SLC39A10: variants seen among roughly 807,000 people sequenced by gnomAD.
SLC39A10 encodes the protein zinc transporter ZIP10.
A neutral mutation model predicts 65.1 loss-of-function variants in SLC39A10; 13 were observed. That is an observed-to-expected ratio of 0.20 (90% CI 0.13 to 0.32). The LOEUF is 0.32. Ranked by LOEUF, SLC39A10 falls within the 10% of genes least tolerant of loss-of-function variation. SLC39A10 has a pLI of 1.00. For missense variants in SLC39A10, 831 were observed against 1,018.4 expected (o/e 0.82, Z 2.50); for synonymous variants, 321 against 342.2 (o/e 0.94, Z 0.68).
chr2:195,639,904 T>C (rs986191014), intron 2 of SLC39A10, among the ~76,000 whole-genome samples: 6 of 152,222 alleles, frequency 3.9e-5, no homozygotes, highest in Admixed American at 2.0e-4. Context: ...CATAAATTAT[T>C]TGGAATTCTT....
At chr2:195,675,399 A>G (rs1690041664) in intron 1 of SLC39A10, among the ~76,000 whole-genome samples, 1 of 152,124 alleles carries the variant, frequency 6.6e-6, no homozygotes, top group African/African-American at 2.4e-5. Context: ...CTGTTATTGC[A>G]ATAGTTCACA....
At chr2:195,616,447 C>T (rs953150072) in intron 2 of SLC39A10, among the ~76,000 whole-genome samples, 3 of 151,914 alleles carry the variant, frequency 2.0e-5, no homozygotes, top group African/African-American at 4.8e-5. Flanking sequence ...GCTGGGACTA[C>T]AGGTGTGTGC....
chr2:195,718,914 G>A (rs1691916629), intron 8 of SLC39A10, among the ~76,000 whole-genome samples: 1 of 151,890 alleles, frequency 6.6e-6, no homozygotes, highest in South Asian at 2.1e-4. Flanking sequence ...AAGTAAGAAG[G>A]TTGGATGATT....
intron 6 of SLC39A10, 83 bp downstream of exon 6, chr2:195,713,636 A>G (rs1039152272): frequency 7.2e-7 from 1 of 1,390,108 alleles, no homozygotes; most frequent in Non-Finnish European, 9.6e-7. Context: ...ATTTACATTC[A>G]TTCAATCTGA....
intron 3 of SLC39A10, among the ~76,000 whole-genome samples, chr2:195,703,697 A>G (rs1691286106): frequency 6.6e-6 from 1 of 152,218 alleles, no homozygotes; most frequent in Non-Finnish European, 1.5e-5. Context: ...TCTGTCACCC[A>G]GGCTGGAGTG....
chr2:195,681,138 A>C lies in SLC39A10; in HGVS notation c.1008+88A>C. ...AAAACAGGATAAGTAACAGTGGAGT[A>C]TTAATCATATTTAAACTTATTTCCA... On this transcript the variant is annotated intron_variant, in intron 2 of 9. Coordinates refer to ENST00000359634, the MANE Select transcript of SLC39A10 (RefSeq NM_020342.3). 7 of 1,266,554 alleles carry C rather than the reference A, an allele frequency of 5.5e-6. No individual in the cohort carries two copies. The South Asian group carries it at 8.9e-5, about 16-fold the overall frequency. 78.5% of individuals were successfully genotyped at this position (1,266,554 alleles called of 1,614,324 possible).
Position 195,683,767 on chromosome 2 carries a change from A to C in SLC39A10, c.1077A>C (p.Leu359Phe). 6.2e-7 allele frequency: 1 copy of C among 1,613,422 alleles called. No individual in the cohort carries two copies. Among genetic ancestry groups the C allele is most frequent in the East Asian group, 2.2e-5 (1 of 44,810 alleles). The change falls in exon 3 of 10, where the codon TTA (leucine) becomes TTC (phenylalanine). Residue 359 changes from leucine (L) to phenylalanine (F), a missense_variant. Around this residue, in one of 4 missense-constraint regions of SLC39A10, gnomAD observed 446 missense variants for 499.2 expected, o/e 0.89. Transcript: ENST00000359634. ...CCAACTCTCCCATCTCAACTGATTT[A>C]TTTACATACCTTTGCCCTGCATTGT... The part of the protein sequence containing the change: ...HGANSPISTD[L>F]FTYLCPALLY...
chr2:195,674,198 T>A (rs1432521111), intron 1 of SLC39A10, among the ~76,000 whole-genome samples: 1 of 152,304 alleles, frequency 6.6e-6, no homozygotes, highest in East Asian at 1.9e-4. Flanking sequence ...TAAATAAATA[T>A]ACCATATTTA....
At chr2:195,699,167 G>A (rs987864838) in intron 3 of SLC39A10, among the ~76,000 whole-genome samples, 1 of 151,840 alleles carries the variant, frequency 6.6e-6, no homozygotes, top group African/African-American at 2.4e-5. Context: ...TCTGAATTTA[G>A]TAATTTGTAT....
chr2:195,659,756 C>A (rs1002151684), intron 1 of SLC39A10, among the ~76,000 whole-genome samples: 1 of 152,148 alleles, frequency 6.6e-6, no homozygotes, highest in Non-Finnish European at 1.5e-5. Flanking sequence ...AATGAGATAA[C>A]CAAAAGGCTG....
chr2:195,685,197 A>C (rs1690478688), intron 3 of SLC39A10, among the ~76,000 whole-genome samples: 1 of 152,090 alleles, frequency 6.6e-6, no homozygotes, highest in Non-Finnish European at 1.5e-5. Flanking sequence ...ACAAACCCTA[A>C]GGTTTGTCTG....
At chr2:195,637,390 C>A (rs1688716404) in intron 2 of SLC39A10, among the ~76,000 whole-genome samples, 1 of 152,136 alleles carries the variant, frequency 6.6e-6, no homozygotes. Flanking sequence ...CACAAAATAT[C>A]TCATATATTT....
intron 2 of SLC39A10, among the ~76,000 whole-genome samples, chr2:195,613,431 T>G (rs1401823091): frequency 6.6e-6 from 1 of 152,224 alleles, no homozygotes; most frequent in Non-Finnish European, 1.5e-5. Context: ...AGTGCATGCT[T>G]TATAAAATTA....
chr2:195,684,051 A>G (rs150455280), intron 3 of SLC39A10, 145 bp downstream of exon 3: 3 of 627,458 alleles, frequency 4.8e-6, no homozygotes, highest in Non-Finnish European at 7.9e-6. Flanking sequence ...TTAGATATGC[A>G]TATTTAAAAG....
At chr2:195,719,866 C>T (rs375765901) in intron 8 of SLC39A10, among the ~76,000 whole-genome samples, 13 of 150,264 alleles carry the variant, frequency 8.7e-5, no homozygotes, top group African/African-American at 3.2e-4. Context: ...TCTCGGCTCA[C>T]CTCAACCTCC....
Position 195,663,401 on chromosome 2 carries a change from A to G in SLC39A10, c.-12+6120A>G, listed in dbSNP as rs116286216. ...TATAGAGGAACATAGCTTCTTGATG[A>G]AAGGGGCTAGGGAAAGATTTATTTA... On this transcript the variant is annotated intron_variant, in intron 1 of 9. Transcript: ENST00000359634. Among the ~76,000 whole-genome samples the G allele has an allele frequency of 6.6e-3, 1,013 of 152,340 alleles. 7 individuals are homozygous for G. The highest frequency in any genetic ancestry group is 0.023 in the African/African-American group (959 of 41,576).
chr2:195,697,296 G>A (rs1427325666), intron 3 of SLC39A10, among the ~76,000 whole-genome samples: 1 of 152,110 alleles, frequency 6.6e-6, no homozygotes, highest in Non-Finnish European at 1.5e-5. Flanking sequence ...GTGTCTGTAG[G>A]GGGGTACTAG....
intron 2 of SLC39A10, among the ~76,000 whole-genome samples, chr2:195,625,222 A>AAGAAAGAAAGAAAGAAAGAAAGAAGG (rs1688443518): frequency 8.9e-6 from 1 of 112,184 alleles, no homozygotes; most frequent in African/African-American, 3.1e-5. Context: ...GTCTCAAAAA[A>AAGAAAGAAAGAAAGAAAGAAAGAAGG]AAAGAAAGAA....
intron 1 of SLC39A10, among the ~76,000 whole-genome samples, chr2:195,663,486 T>C (rs936506271): frequency 2.6e-5 from 4 of 152,056 alleles, no homozygotes; most frequent in Non-Finnish European, 5.9e-5. Flanking sequence ...TAAAATGAGA[T>C]CAGTAAAACA....
Sources: gnomAD v4.1 joint callset for allele counts (sites outside exome capture counted in the v4.1 genomes callset) on GRCh38, gnomAD v4.1.1 for gene constraint, gnomAD v4.1.1 regional missense constraint, MANE v1.5 for transcripts, NCBI Gene and HGNC (gene_info 2026-07-23, HGNC 2026-07-21) for gene names.